CADM2: variants seen among roughly 807,000 people sequenced by gnomAD.
The protein encoded by CADM2 is cell adhesion molecule 2.
A neutral mutation model predicts 49.8 loss-of-function variants in CADM2; 12 were observed. The ratio of observed to expected loss-of-function variants is 0.24; its 90% CI spans 0.15 to 0.39. The LOEUF is 0.39. Among genes scored for constraint, CADM2 ranks in the 10% least tolerant of loss-of-function variants. The pLI is 1.00. For missense variants in CADM2, 378 were observed against 492.3 expected, an observed-to-expected ratio of 0.77 and a Z score of 2.20; for synonymous variants, 214 against 175.4, an observed-to-expected ratio of 1.22 and a Z score of -1.74.
At chr3:84,995,365 C>A (rs541137065) in intron 1 of CADM2, among the ~76,000 whole-genome samples, 1 of 152,266 alleles carries the variant, frequency 6.6e-6, no homozygotes, top group South Asian at 2.1e-4. Context: ...TTATGTTATT[C>A]TTGCCAAATT....
chr3:85,904,444 C>T (rs1266105908), intron 5 of CADM2, among the ~76,000 whole-genome samples: 1 of 152,168 alleles, frequency 6.6e-6, no homozygotes, highest in Non-Finnish European at 1.5e-5. Context: ...TGGATCTCCA[C>T]CTTGGGTACA....
intron 1 of CADM2, among the ~76,000 whole-genome samples, chr3:85,108,246 T>C (rs1355476443): frequency 1.3e-5 from 2 of 152,246 alleles, no homozygotes; most frequent in Non-Finnish European, 2.9e-5. Context: ...CACAAATAGG[T>C]ATTTGTACAG....
chr3:85,112,463 C>T (rs2038494076), intron 1 of CADM2, among the ~76,000 whole-genome samples: 1 of 151,352 alleles, frequency 6.6e-6, no homozygotes, highest in African/African-American at 2.4e-5. Context: ...CCCAGCATTT[C>T]AGAATTCTTT....
intron 1 of CADM2, among the ~76,000 whole-genome samples, chr3:85,320,289 A>G (rs1194458984): frequency 6.6e-6 from 1 of 152,204 alleles, no homozygotes; most frequent in Non-Finnish European, 1.5e-5. Flanking sequence ...TAGAACGTTT[A>G]AAGCAAATAC....
At chr3:85,017,017 T>G (rs1005319460) in intron 1 of CADM2, among the ~76,000 whole-genome samples, 1 of 152,276 alleles carries the variant, frequency 6.6e-6, no homozygotes, top group East Asian at 1.9e-4. Context: ...AGTTGGAACA[T>G]TCACAGAAAT....
intron 6 of CADM2, among the ~76,000 whole-genome samples, chr3:85,933,827 G>A (rs1261070022): frequency 2.6e-5 from 4 of 152,084 alleles, no homozygotes; most frequent in Non-Finnish European, 5.9e-5. Context: ...CAGTTCAAAC[G>A]ACATCAGGCA....
intron 3 of CADM2, among the ~76,000 whole-genome samples, chr3:85,815,391 T>C (rs957313974): frequency 3.3e-5 from 5 of 152,110 alleles, no homozygotes; most frequent in Admixed American, 2.6e-4. Flanking sequence ...AAAAAGCTTA[T>C]CCACCATGAT....
chr3:85,999,684 AAAAG>A (rs1368568024), intron 8 of CADM2, among the ~76,000 whole-genome samples: 1 of 151,932 alleles, frequency 6.6e-6, no homozygotes, highest in Non-Finnish European at 1.5e-5. Flanking sequence ...AAAAAGAAAG[AAAAG>A]AAAGAATGAA....
At chr3:85,660,559 T>G (rs1475353319) in intron 1 of CADM2, among the ~76,000 whole-genome samples, 1 of 152,024 alleles carries the variant, frequency 6.6e-6, no homozygotes, top group Non-Finnish European at 1.5e-5. Context: ...AGATGTGTCG[T>G]ACACTGAATG....
rs546236192 is a variant in CADM2 at position 85,372,826 on chromosome 3, C to T, written c.62-353696C>T. ...ACGGTGGAAGGGAAGACTGCGTGTG[C>T]AGGGGAATTGCCCTTCATAAAACCA... is the stretch of plus-strand genomic sequence containing the variant. On this transcript the variant is annotated intron_variant, in intron 1 of 9. Transcript: ENST00000383699. 3.9e-4 allele frequency among the ~76,000 whole-genome samples: 59 copies of T among 152,190 alleles called. 1 individual carries two copies. The highest frequency in any genetic ancestry group is 1.3e-3 in the African/African-American group (52 of 41,548).
intron 8 of CADM2, among the ~76,000 whole-genome samples, chr3:86,061,368 GA>G (rs1415922294): frequency 6.6e-6 from 1 of 151,912 alleles, no homozygotes; most frequent in Admixed American, 6.6e-5. Flanking sequence ...ATATAGACTA[GA>G]ATGTGCAGAA....
At chr3:85,947,085 C>G (rs1314473879) in intron 7 of CADM2, among the ~76,000 whole-genome samples, 1 of 151,794 alleles carries the variant, frequency 6.6e-6, no homozygotes, top group Non-Finnish European at 1.5e-5. Context: ...ACAATGAACT[C>G]AAACAAATTT....
chr3:85,226,516 C>A (rs2042164647), intron 1 of CADM2, among the ~76,000 whole-genome samples: 1 of 151,910 alleles, frequency 6.6e-6, no homozygotes, highest in Non-Finnish European at 1.5e-5. Context: ...TCTCTCTTCT[C>A]TTCTTTATTA....
At chr3:85,207,165 C>T (rs2041664936) in intron 1 of CADM2, among the ~76,000 whole-genome samples, 2 of 151,596 alleles carry the variant, frequency 1.3e-5, no homozygotes, top group South Asian at 4.1e-4. Flanking sequence ...TTGCGTGAAA[C>T]ATGTTTTAAT....
At chr3:85,289,573 C>T (rs1371246288) in intron 1 of CADM2, among the ~76,000 whole-genome samples, 1 of 152,128 alleles carries the variant, frequency 6.6e-6, no homozygotes, top group Non-Finnish European at 1.5e-5. Context: ...AAGACATAGT[C>T]TAAATTGATT....
intron 8 of CADM2, among the ~76,000 whole-genome samples, chr3:86,009,295 T>C (rs2324975): frequency 4.0e-5 from 6 of 149,790 alleles, no homozygotes; most frequent in African/African-American, 1.5e-4. Context: ...GTACCTACAA[T>C]GATGACATTA....
chr3:85,940,295 C>T (rs911506890), intron 7 of CADM2, among the ~76,000 whole-genome samples: 1 of 151,568 alleles, frequency 6.6e-6, no homozygotes, highest in African/African-American at 2.4e-5. Flanking sequence ...GCCGAGATCA[C>T]GCCATTGAAC....
intron 1 of CADM2, among the ~76,000 whole-genome samples, chr3:85,657,887 A>G (rs147137992): frequency 5.1e-4 from 78 of 151,682 alleles, no homozygotes; most frequent in Non-Finnish European, 9.0e-4. Context: ...TTGCAGATGT[A>G]ATTGGTTAAG....
At chr3:85,378,863 T>A (rs2033739096) in intron 1 of CADM2, among the ~76,000 whole-genome samples, 1 of 151,874 alleles carries the variant, frequency 6.6e-6, no homozygotes, top group Non-Finnish European at 1.5e-5. Context: ...CTGTTCCCCA[T>A]AAAATTATTG....
Sources: allele counts gnomAD v4.1 joint callset (sites outside exome capture counted in the v4.1 genomes callset), GRCh38; gene constraint gnomAD v4.1.1; transcripts MANE v1.5; gene names NCBI Gene and HGNC (gene_info 2026-07-23, HGNC 2026-07-21).